NKAIN2: variants seen among roughly 807,000 people sequenced by gnomAD.
The protein encoded by NKAIN2 is sodium/potassium transporting ATPase interacting 2, also known as sodium/potassium-transporting ATPase subunit beta-1-interacting protein 2.
NKAIN2 carries 14 observed loss-of-function variants against 32.6 expected under a neutral mutation model. That is an observed-to-expected ratio of 0.43 (90% CI 0.28 to 0.67). The LOEUF is 0.67. Among genes scored for constraint, NKAIN2 ranks in the 30% least tolerant of loss-of-function variants. The pLI, the probability that NKAIN2 is intolerant of heterozygous loss-of-function variation, is 0.17. For synonymous variants in NKAIN2, 80 were observed against 87.2 expected, an observed-to-expected ratio of 0.92 and a Z score of 0.46; for missense variants, 198 against 258.3, an observed-to-expected ratio of 0.77 and a Z score of 1.60.
intron 4 of NKAIN2, among the ~76,000 whole-genome samples, chr6:124,791,019 A>G (rs1562385235): frequency 1.3e-5 from 2 of 152,178 alleles, no homozygotes; most frequent in Admixed American, 1.3e-4. Context: ...ATGGGCACAA[A>G]TGCAAATGTT....
chr6:124,028,727 G>GTATATA (rs1416500276), intron 1 of NKAIN2, among the ~76,000 whole-genome samples: 1 of 148,056 alleles, frequency 6.8e-6, no homozygotes, highest in African/African-American at 2.5e-5. Flanking sequence ...GTGTATATAC[G>GTATATA]TGTATACACG....
intron 3 of NKAIN2, among the ~76,000 whole-genome samples, chr6:124,529,105 G>A (rs1323213391): frequency 2.0e-5 from 3 of 152,118 alleles, no homozygotes; most frequent in Non-Finnish European, 4.4e-5. Context: ...CAATTATGTA[G>A]TCCTTCCAGG....
intron 2 of NKAIN2, among the ~76,000 whole-genome samples, chr6:124,305,636 C>T (rs71559992): frequency 2.0e-5 from 3 of 152,056 alleles, no homozygotes; most frequent in Admixed American, 6.6e-5. Flanking sequence ...GAGATACTCC[C>T]GGGGTCATAC....
At chr6:124,262,991 A>G (rs1437655037) in intron 1 of NKAIN2, among the ~76,000 whole-genome samples, 2 of 152,208 alleles carry the variant, frequency 1.3e-5, no homozygotes, top group East Asian at 3.9e-4. Context: ...CAAGTATTAA[A>G]TTAATGAAGC....
At chr6:124,282,679 G>A (rs545194815) in intron 1 of NKAIN2, among the ~76,000 whole-genome samples, 4 of 152,252 alleles carry the variant, frequency 2.6e-5, no homozygotes, top group Admixed American at 6.5e-5. Flanking sequence ...TCCCTGACTT[G>A]CTGGTTGATG....
At chr6:124,340,022 T>C (rs1798054043) in intron 2 of NKAIN2, among the ~76,000 whole-genome samples, 1 of 152,206 alleles carries the variant, frequency 6.6e-6, no homozygotes, top group Admixed American at 6.5e-5. Context: ...TTTAGTGTTA[T>C]TGGGCTAATC....
chr6:124,257,521 T>C (rs2114830053), intron 1 of NKAIN2, among the ~76,000 whole-genome samples: 1 of 152,330 alleles, frequency 6.6e-6, no homozygotes, highest in African/African-American at 2.4e-5. Context: ...AAATTATTTA[T>C]GTAAATAAAA....
chr6:124,723,221 A>G (rs1449527494), intron 4 of NKAIN2, among the ~76,000 whole-genome samples: 2 of 152,234 alleles, frequency 1.3e-5, no homozygotes, highest in Non-Finnish European at 2.9e-5. Flanking sequence ...TGTAGAAACA[A>G]CTAGCAACTT....
At chr6:124,444,267 T>C (rs1775803547) in intron 3 of NKAIN2, among the ~76,000 whole-genome samples, 1 of 152,054 alleles carries the variant, frequency 6.6e-6, no homozygotes, top group Non-Finnish European at 1.5e-5. Flanking sequence ...TAAAAATAGA[T>C]TCTTAGGACC....
At chr6:124,050,161 G>A (rs777485630) in intron 1 of NKAIN2, among the ~76,000 whole-genome samples, 1 of 151,924 alleles carries the variant, frequency 6.6e-6, no homozygotes, top group Non-Finnish European at 1.5e-5. Context: ...CAAATAATGA[G>A]CCAATTGGGA....
chr6:123,821,083 G>T (rs1396438724), intron 1 of NKAIN2, among the ~76,000 whole-genome samples: 2 of 152,158 alleles, frequency 1.3e-5, no homozygotes, highest in Non-Finnish European at 2.9e-5. Flanking sequence ...TGTTGCTATT[G>T]TGTTTTAATG....
chr6:124,683,517 G>A (rs769336730), intron 4 of NKAIN2, among the ~76,000 whole-genome samples: 7 of 152,178 alleles, frequency 4.6e-5, no homozygotes, highest in Non-Finnish European at 1.0e-4. Flanking sequence ...CTACCAAGTA[G>A]AGTCCATGTG....
At chr6:124,088,528 T>C (rs917449352) in intron 1 of NKAIN2, among the ~76,000 whole-genome samples, 3 of 152,052 alleles carry the variant, frequency 2.0e-5, no homozygotes, top group Non-Finnish European at 4.4e-5. Context: ...GCTTACTTAC[T>C]GAAAAGTTTT....
chr6:124,265,766 C>CT (rs1222170464), intron 1 of NKAIN2, among the ~76,000 whole-genome samples: 1 of 152,152 alleles, frequency 6.6e-6, no homozygotes, highest in Non-Finnish European at 1.5e-5. Context: ...AATCAGCCCC[C>CT]TTGGAACAAG....
At chr6:124,675,733 T>C (rs1377905549) in intron 4 of NKAIN2, among the ~76,000 whole-genome samples, 4 of 152,010 alleles carry the variant, frequency 2.6e-5, no homozygotes, top group Non-Finnish European at 5.9e-5. Context: ...TTCTTTTTTC[T>C]TTTTTATCCT....
chr6:124,568,455 T>C (rs1191658669), intron 3 of NKAIN2, among the ~76,000 whole-genome samples: 1 of 152,148 alleles, frequency 6.6e-6, no homozygotes, highest in Non-Finnish European at 1.5e-5. Flanking sequence ...CTTACATCCG[T>C]TTAGGATGGC....
intron 3 of NKAIN2, among the ~76,000 whole-genome samples, chr6:124,552,222 A>T (rs928807595): frequency 6.6e-6 from 1 of 152,236 alleles, no homozygotes; most frequent in Non-Finnish European, 1.5e-5. Flanking sequence ...ACTAAATTGT[A>T]TACAAACATG....
intron 1 of NKAIN2, among the ~76,000 whole-genome samples, chr6:123,971,804 A>T (rs768177759): frequency 6.6e-5 from 10 of 152,184 alleles, no homozygotes; most frequent in Non-Finnish European, 1.2e-4. Context: ...CTTGTTTATA[A>T]ATATTAATAC....
chr6:124,688,329 T>G (rs961993647), intron 4 of NKAIN2, among the ~76,000 whole-genome samples: 1 of 152,090 alleles, frequency 6.6e-6, no homozygotes, highest in African/African-American at 2.4e-5. Context: ...AAATACATTT[T>G]TAGAGCCATT....
Sources: allele counts gnomAD v4.1 joint callset (sites outside exome capture counted in the v4.1 genomes callset), GRCh38; gene constraint gnomAD v4.1.1; transcripts MANE v1.5; gene names NCBI Gene and HGNC (gene_info 2026-07-23, HGNC 2026-07-21).